CYRIA: variants seen among roughly 807,000 people sequenced by gnomAD.
The protein encoded by CYRIA is CYFIP-related Rac1 interactor A.
In CYRIA, 15 loss-of-function variants were observed where a neutral mutation model predicts 43.9. The observed-to-expected ratio is 0.34, with a 90% confidence interval of 0.23 to 0.53. CYRIA has a LOEUF of 0.53. Ranked by LOEUF, CYRIA falls within the 20% of genes least tolerant of loss-of-function variation. CYRIA has a pLI of 0.94. For missense variants in CYRIA, 236 were observed against 394.2 expected, an observed-to-expected ratio of 0.60 and a Z score of 3.40; for synonymous variants, 117 against 136.0, an observed-to-expected ratio of 0.86 and a Z score of 0.97.
At chr2:16,580,586 T>C (rs897491668) in intron 3 of CYRIA, among the ~76,000 whole-genome samples, 1 of 152,216 alleles carries the variant, frequency 6.6e-6, no homozygotes, top group Non-Finnish European at 1.5e-5. Flanking sequence ...TCCATAGATT[T>C]GATGCAATTA....
chr2:16,642,809 T>C (rs1669712937), intron 1 of CYRIA, among the ~76,000 whole-genome samples: 1 of 152,188 alleles, frequency 6.6e-6, no homozygotes, highest in South Asian at 2.1e-4. Flanking sequence ...CTTCACCTTT[T>C]AATAGTTTTT....
chr2:16,559,704 GCAA>G, intron 9 of CYRIA, 118 bp from the exon 10 acceptor site: 1 of 1,108,344 alleles, frequency 9.0e-7, no homozygotes, highest in Non-Finnish European at 1.3e-6. Context: ...TCCCAGACCT[GCAA>G]CAACCAGTTA....
intron 1 of CYRIA, among the ~76,000 whole-genome samples, chr2:16,649,360 G>A (rs894652690): frequency 3.9e-5 from 6 of 152,060 alleles, no homozygotes; most frequent in African/African-American, 1.4e-4. Context: ...ACAGTACAGG[G>A]GACGGTTGTA....
At chr2:16,577,741 TGAACCTTCACCAA>T (rs1412080786) in intron 3 of CYRIA, among the ~76,000 whole-genome samples, 2 of 152,200 alleles carry the variant, frequency 1.3e-5, no homozygotes, top group Non-Finnish European at 2.9e-5. Flanking sequence ...GTCTCTTCCA[TGAACCTTCACCAA>T]GTGCTAACAA....
chr2:16,633,455 C>T (rs1352901434), intron 1 of CYRIA, among the ~76,000 whole-genome samples: 1 of 151,550 alleles, frequency 6.6e-6, no homozygotes, highest in Admixed American at 6.6e-5. Context: ...GTTCTGTCAC[C>T]CAGGCTGGAG....
chr2:16,584,216 T>C (rs1181502113), intron 3 of CYRIA, among the ~76,000 whole-genome samples: 2 of 152,142 alleles, frequency 1.3e-5, no homozygotes, highest in Admixed American at 1.3e-4. Context: ...CTTTTCAAGC[T>C]TCATTCTTCT....
intron 3 of CYRIA, among the ~76,000 whole-genome samples, chr2:16,579,788 C>T (rs1667484581): frequency 6.6e-6 from 1 of 151,902 alleles, no homozygotes; most frequent in Admixed American, 6.5e-5. Flanking sequence ...GCAAATATGA[C>T]AAATAGACAT....
In CYRIA at chr2:16,562,287, C is replaced by A. The variant is rs779504378; in HGVS notation, c.299-146G>T. 14 of 872,356 alleles carry A rather than the reference C, an allele frequency of 1.6e-5. No individual in the cohort carries two copies. In the African/African-American group the frequency reaches 2.5e-4, roughly 15 times the overall value. The allele number at this position is 872,356 out of a possible 1,614,324, so 54.0% of individuals were successfully genotyped here. On this transcript the variant is annotated intron_variant, in intron 5 of 11. Transcript: ENST00000381323. ...CTACGTGAGGTGTGCTGCATGTGGACGAGGAAGAGAAGGAATCCCACATGG... is the reference window on the plus strand; with the variant it reads ...CTACGTGAGGTGTGCTGCATGTGGAAGAGGAAGAGAAGGAATCCCACATGG...
At chr2:16,654,809 C>T (rs1670064152) in intron 1 of CYRIA, among the ~76,000 whole-genome samples, 1 of 152,100 alleles carries the variant, frequency 6.6e-6, no homozygotes, top group African/African-American at 2.4e-5. Context: ...CTGTTGTTAA[C>T]ATAATTAAAA....
intron 2 of CYRIA, among the ~76,000 whole-genome samples, chr2:16,608,015 T>C (rs1028650389): frequency 4.6e-5 from 7 of 152,182 alleles, no homozygotes; most frequent in African/African-American, 1.7e-4. Context: ...CCTTTGCTGT[T>C]GTGGATTCTT....
chr2:16,620,797 G>A (rs565449531), intron 2 of CYRIA, among the ~76,000 whole-genome samples: 1 of 152,132 alleles, frequency 6.6e-6, no homozygotes, highest in Non-Finnish European at 1.5e-5. Flanking sequence ...AAGGTGCACA[G>A]GATTCCCCGA....
chr2:16,562,895 G>A (rs1210832864), intron 5 of CYRIA, among the ~76,000 whole-genome samples: 3 of 152,148 alleles, frequency 2.0e-5, no homozygotes, highest in Admixed American at 2.0e-4. Flanking sequence ...GAGTGGCAGA[G>A]GCGAGTAGTT....
chr2:16,648,190 G>A lies in CYRIA; in HGVS notation c.-167+17590C>T, dbSNP rs115432847. 6.3e-3 allele frequency among the ~76,000 whole-genome samples: 966 copies of A among 152,220 alleles called. 6 individuals carry two copies. Among genetic ancestry groups the A allele is most frequent in the African/African-American group, 0.02 (842 of 41,532 alleles). ...ATCTATCTCAGAGAAACTCAGCCAGGGGGGTGGAGTCTCTGCCACACCCAC... is the reference window on the plus strand; with the variant it reads ...ATCTATCTCAGAGAAACTCAGCCAGAGGGGTGGAGTCTCTGCCACACCCAC... On this transcript the variant is annotated intron_variant, in intron 1 of 11. Transcript: ENST00000381323.
Position 16,650,631 on chromosome 2 carries a change from T to C in CYRIA, c.-167+15149A>G, listed in dbSNP as rs1044418800. 6.6e-6 allele frequency among the ~76,000 whole-genome samples: 1 copy of C among 152,200 alleles called. No individual in the cohort carries two copies. The highest frequency in any genetic ancestry group is 1.5e-5 in the Non-Finnish European group (1 of 68,038). ...ACATCTCAGAGAGACTGGATGCTCC[T>C]CTCTGGCCATGGAAAGGCCTTCTGA... On this transcript the variant is annotated intron_variant, in intron 1 of 11. Coordinates refer to ENST00000381323, the MANE Select transcript of CYRIA (RefSeq NM_030797.4). This position sits in a 1 kb window ranked among gnomAD's most constrained non-coding sequence, Gnocchi z 4.1.
chr2:16,661,204 G>A (rs962806824), intron 1 of CYRIA, among the ~76,000 whole-genome samples: 2 of 152,124 alleles, frequency 1.3e-5, no homozygotes, highest in South Asian at 2.1e-4. Context: ...GAGCTGAGGA[G>A]GTTGAGGCTG....
intron 10 of CYRIA, among the ~76,000 whole-genome samples, chr2:16,558,703 C>T (rs1356199431): frequency 1.3e-5 from 2 of 152,016 alleles, no homozygotes; most frequent in African/African-American, 4.8e-5. Context: ...ACACCTACAG[C>T]GTGTCTGTTG....
intron 10 of CYRIA, among the ~76,000 whole-genome samples, chr2:16,558,530 A>C (rs951490630): frequency 7.2e-5 from 11 of 152,158 alleles, no homozygotes; most frequent in Non-Finnish European, 5.9e-5. Flanking sequence ...TGCACTTTAA[A>C]GGCTTTAAAT....
chr2:16,644,671 A>G (rs1428999774), intron 1 of CYRIA, among the ~76,000 whole-genome samples: 3 of 152,230 alleles, frequency 2.0e-5, no homozygotes, highest in Non-Finnish European at 4.4e-5. Flanking sequence ...GTCAGAAATT[A>G]ACTGGGCTCT....
intron 2 of CYRIA, among the ~76,000 whole-genome samples, chr2:16,599,699 A>C (rs62122737): frequency 2.7e-5 from 4 of 150,396 alleles, no homozygotes; most frequent in African/African-American, 9.8e-5. Context: ...CTTCTGCGTC[A>C]CTCACGCTGG....
Sources: gnomAD v4.1 joint callset for allele counts (sites outside exome capture counted in the v4.1 genomes callset) on GRCh38, gnomAD v4.1.1 for gene constraint, Gnocchi (gnomAD v3.1) non-coding constraint, MANE v1.5 for transcripts, NCBI Gene and HGNC (gene_info 2026-07-23, HGNC 2026-07-21) for gene names.